The following TAFA5 variants were observed in gnomAD, a reference collection of about 807,000 sequenced individuals.
The protein encoded by TAFA5 is TAFA chemokine like family member 5.
TAFA5 carries 6 observed loss-of-function variants against 15.3 expected under a neutral mutation model. That is an observed-to-expected ratio of 0.39 (90% CI 0.21 to 0.77). The LOEUF (loss-of-function observed/expected upper bound fraction) is 0.77, where lower values mean the gene tolerates loss of function less well. Ranked by LOEUF, TAFA5 falls within the 30% of genes least tolerant of loss-of-function variation. The probability of loss-of-function intolerance (pLI) is 0.41; values close to 1 mark genes in which losing one functional copy is unlikely to be tolerated. For synonymous variants in TAFA5, 103 were observed against 80.7 expected, an observed-to-expected ratio of 1.28 and a Z score of -1.48; for missense variants, 161 against 193.1, an observed-to-expected ratio of 0.83 and a Z score of 0.98.
At chr22:48,696,405 C>G (rs942609929) in intron 2 of TAFA5, among the ~76,000 whole-genome samples, 1 of 152,188 alleles carries the variant, frequency 6.6e-6, no homozygotes, top group African/African-American at 2.4e-5. Flanking sequence ...TCCATCCTTC[C>G]CTCCTTTCCT....
At chr22:48,562,375 C>T (rs538209907) in intron 1 of TAFA5, among the ~76,000 whole-genome samples, 14 of 152,268 alleles carry the variant, frequency 9.2e-5, no homozygotes, top group Admixed American at 2.6e-4. Flanking sequence ...CCTGACCTCG[C>T]GATCTGCCTG....
intron 1 of TAFA5, among the ~76,000 whole-genome samples, chr22:48,635,379 A>G (rs1926408198): frequency 6.6e-6 from 1 of 152,056 alleles, no homozygotes; most frequent in Admixed American, 6.5e-5. Flanking sequence ...AGTCTTCTTC[A>G]GGGCAAGCAC....
chr22:48,679,052 C>T (rs1311098024), intron 2 of TAFA5, among the ~76,000 whole-genome samples: 4 of 123,814 alleles, frequency 3.2e-5, no homozygotes, highest in Admixed American at 1.8e-4. Flanking sequence ...CCCAGCTCCC[C>T]CTCCATCCCT....
rs896965824 is a variant in TAFA5, at chr22:48,584,930, A to C, written c.113-61667A>C. Among the ~76,000 whole-genome samples, 12 of 132,448 alleles carry C rather than the reference A, an allele frequency of 9.1e-5. No individual in the cohort carries two copies. The East Asian group carries it at 1.0e-3, about 11-fold the overall frequency. The allele number at this position is 132,448 out of a possible 152,430, so 86.9% of individuals were successfully genotyped here. On this transcript the variant is annotated intron_variant, in intron 1 of 3. Coordinates refer to ENST00000402357, the MANE Select transcript of TAFA5 (RefSeq NM_001082967.3). ...CACACACACCACACACACACACACA[A>C]AATACACTGCACTGATATCACACAC...
At chr22:48,573,059 T>C (rs139114145) in intron 1 of TAFA5, among the ~76,000 whole-genome samples, 23 of 152,362 alleles carry the variant, frequency 1.5e-4, no homozygotes, top group African/African-American at 5.0e-4. Flanking sequence ...GCACCCCCTC[T>C]GTGGACAGCT....
At chr22:48,717,458 T>G (rs536677987) in intron 3 of TAFA5, among the ~76,000 whole-genome samples, 53 of 152,270 alleles carry the variant, frequency 3.5e-4, no homozygotes, top group Non-Finnish European at 6.8e-4. Context: ...GAGAGGGCAA[T>G]GAAGAAGCAC....
chr22:48,626,722 T>C (rs1477604928), intron 1 of TAFA5, among the ~76,000 whole-genome samples: 4 of 152,254 alleles, frequency 2.6e-5, no homozygotes, highest in Non-Finnish European at 4.4e-5. Flanking sequence ...TTTTCTTTCA[T>C]AGAGTATGCA....
rs965057798 is a variant in TAFA5 at position 48,702,485 on chromosome 22, A to G, written c.263-5232A>G. 5.3e-5 allele frequency among the ~76,000 whole-genome samples: 8 copies of G among 152,116 alleles called. No homozygotes were observed. The South Asian group carries it at 1.7e-3, about 32-fold the overall frequency. Reference sequence around the variant, plus strand: ...TCCCTTCTCCAGCCACGTCCTAAGCACCTGCTCCTACCGGCCCGGGGACAG... The same window carrying G: ...TCCCTTCTCCAGCCACGTCCTAAGCGCCTGCTCCTACCGGCCCGGGGACAG... On this transcript the variant is annotated intron_variant, in intron 2 of 3. Transcript: ENST00000402357.
intron 3 of TAFA5, among the ~76,000 whole-genome samples, chr22:48,711,473 G>A (rs1439274063): frequency 6.6e-6 from 1 of 152,050 alleles, no homozygotes; most frequent in East Asian, 1.9e-4. Context: ...CAGGAGAGCC[G>A]GCTCCTAATG....
intron 1 of TAFA5, among the ~76,000 whole-genome samples, chr22:48,628,959 G>A (rs1379652281): frequency 2.0e-5 from 3 of 152,176 alleles, no homozygotes; most frequent in Non-Finnish European, 4.4e-5. Flanking sequence ...TGCAGAGCCG[G>A]GCGCCGTTTC....
intron 2 of TAFA5, among the ~76,000 whole-genome samples, chr22:48,685,156 G>A (rs1379417289): frequency 2.0e-5 from 3 of 152,214 alleles, no homozygotes; most frequent in African/African-American, 7.2e-5. Context: ...TTCCTGATTG[G>A]CAATTGGTTG....
At chr22:48,697,643 G>T (rs974373095) in intron 2 of TAFA5, among the ~76,000 whole-genome samples, 1 of 150,600 alleles carries the variant, frequency 6.6e-6, no homozygotes, top group African/African-American at 2.5e-5. Context: ...GGTAGTGTTG[G>T]TGATGATGGT....
chr22:48,732,784 C>A (rs1368042813), intron 3 of TAFA5, among the ~76,000 whole-genome samples: 1 of 152,190 alleles, frequency 6.6e-6, no homozygotes, highest in Non-Finnish European at 1.5e-5. Context: ...ATCGATACAG[C>A]AAACGTTAGT....
chr22:48,655,862 C>G (rs1927224914), intron 2 of TAFA5, among the ~76,000 whole-genome samples: 1 of 90,950 alleles, frequency 1.1e-5, no homozygotes, highest in Non-Finnish European at 1.9e-5. Context: ...TTTTTTGAGA[C>G]AGAGTCTCGC....
chr22:48,695,532 A>G (rs1037177901), intron 2 of TAFA5, among the ~76,000 whole-genome samples: 9 of 152,156 alleles, frequency 5.9e-5, no homozygotes, highest in African/African-American at 2.2e-4. Context: ...TGAGCTGAGT[A>G]ATGTTATGGC....
chr22:48,631,053 G>T lies in TAFA5; in HGVS notation c.113-15544G>T, dbSNP rs188775437. Reference sequence around the variant, plus strand: ...TCCCTGCAGGAACGTTCTGGAGGGGGTGTGGCTCCCCGCCCTGTCCTTTCT... The same window carrying T: ...TCCCTGCAGGAACGTTCTGGAGGGGTTGTGGCTCCCCGCCCTGTCCTTTCT... On this transcript the variant is annotated intron_variant, in intron 1 of 3. Coordinates refer to ENST00000402357, the MANE Select transcript of TAFA5 (RefSeq NM_001082967.3). 1.8e-4 allele frequency among the ~76,000 whole-genome samples: 28 copies of T among 152,290 alleles called. No homozygotes were observed. The East Asian group carries it at 4.5e-3, about 24-fold the overall frequency.
At chr22:48,735,618 G>A (rs1346127926) in intron 3 of TAFA5, among the ~76,000 whole-genome samples, 1 of 152,204 alleles carries the variant, frequency 6.6e-6, no homozygotes, top group Non-Finnish European at 1.5e-5. Context: ...AAAGCAGTTA[G>A]GCACTCTGTG....
At chr22:48,678,309 G>A (rs132217) in intron 2 of TAFA5, among the ~76,000 whole-genome samples, 54,009 of 152,128 alleles carry the variant, frequency 0.36, 11,971 homozygotes, top group Non-Finnish European at 0.5. Flanking sequence ...GCTGTGCCCC[G>A]GGCTCCACAC....
In TAFA5 at chr22:48,603,163, C is replaced by T. The variant is rs1004037654; in HGVS notation, c.113-43434C>T. Among the ~76,000 whole-genome samples, 6 of 152,344 alleles carry T rather than the reference C, an allele frequency of 3.9e-5. No individual in the cohort carries two copies. In the East Asian group the frequency reaches 5.8e-4, roughly 15 times the overall value. ...GGTGTGCTTGTAGACAGGGTCGCCC[C>T]GGAAAAATGGGTGCCCGTGCATTCC... On this transcript the variant is annotated intron_variant, in intron 1 of 3. Coordinates refer to ENST00000402357, the MANE Select transcript of TAFA5 (RefSeq NM_001082967.3).
Sources: allele counts gnomAD v4.1 joint callset (sites outside exome capture counted in the v4.1 genomes callset), GRCh38; gene constraint gnomAD v4.1.1; transcripts MANE v1.5; gene names NCBI Gene and HGNC (gene_info 2026-07-23, HGNC 2026-07-21).